The following DLGAP2 variants were observed in gnomAD, a reference collection of about 807,000 sequenced individuals.
The protein encoded by DLGAP2 is disks large-associated protein 2.
DLGAP2 carries 26 observed loss-of-function variants against 100.3 expected under a neutral mutation model. The observed-to-expected ratio is 0.26, with a 90% CI of 0.19 to 0.36. The LOEUF (loss-of-function observed/expected upper bound fraction) is 0.36. Ranked by LOEUF, DLGAP2 falls within the 10% of genes least tolerant of loss-of-function variation. DLGAP2 has a pLI of 1.00. For synonymous variants in DLGAP2, 886 were observed against 630.1 expected (o/e 1.41, Z -6.08); for missense variants, 1,858 against 1,453.2 (o/e 1.28, Z -4.53).
chr8:1,066,214 AC>A (rs1803244119), intron 2 of DLGAP2, among the ~76,000 whole-genome samples: 1 of 150,346 alleles, frequency 6.7e-6, no homozygotes, highest in Admixed American at 6.6e-5. Context: ...ACAGTTCTCC[AC>A]CATGGTCAGG....
chr8:1,689,075 T>C (rs1343770409), intron 12 of DLGAP2, among the ~76,000 whole-genome samples: 1 of 152,194 alleles, frequency 6.6e-6, no homozygotes, highest in Non-Finnish European at 1.5e-5. Flanking sequence ...TCTCTAGGAC[T>C]GACTGTTAAG....
At chr8:1,348,285 A>T (rs1408456485) in intron 3 of DLGAP2, among the ~76,000 whole-genome samples, 1 of 150,680 alleles carries the variant, frequency 6.6e-6, no homozygotes, top group African/African-American at 2.4e-5. Flanking sequence ...GTGGAGGTTG[A>T]GTTTCCACAT....
At chr8:1,357,878 C>G (rs1801892841) in intron 3 of DLGAP2, among the ~76,000 whole-genome samples, 1 of 152,150 alleles carries the variant, frequency 6.6e-6, no homozygotes, top group African/African-American at 2.4e-5. Context: ...AGCAGCTGCC[C>G]CTGCACCTGC....
intron 3 of DLGAP2, among the ~76,000 whole-genome samples, chr8:1,260,595 T>A (rs1279721034): frequency 6.6e-6 from 1 of 151,892 alleles, no homozygotes; most frequent in African/African-American, 2.4e-5. Flanking sequence ...GGCTCAGGGA[T>A]GGATATTGGA....
At chr8:988,773 C>T (rs1800562290) in intron 2 of DLGAP2, among the ~76,000 whole-genome samples, 1 of 152,150 alleles carries the variant, frequency 6.6e-6, no homozygotes, top group African/African-American at 2.4e-5. Context: ...GGCCTGTCCC[C>T]CGGGGACCTG....
intron 3 of DLGAP2, among the ~76,000 whole-genome samples, chr8:1,282,631 T>C (rs1279246863): frequency 2.5e-5 from 3 of 121,152 alleles, no homozygotes; most frequent in Admixed American, 8.8e-5. Flanking sequence ...AGACGTGGTG[T>C]GACCTGAACC....
chr8:1,151,558 G>A (rs7000565), intron 2 of DLGAP2, among the ~76,000 whole-genome samples: 11 of 152,228 alleles, frequency 7.2e-5, no homozygotes, highest in Middle Eastern at 3.4e-3. Context: ...TGACGATTCC[G>A]GTTGTTCTTT....
intron 2 of DLGAP2, among the ~76,000 whole-genome samples, chr8:1,105,901 G>A (rs1302097650): frequency 2.0e-5 from 3 of 150,924 alleles, no homozygotes; most frequent in South Asian, 2.1e-4. Context: ...GGCCATTCTA[G>A]GAGGGTTTTC....
intron 3 of DLGAP2, among the ~76,000 whole-genome samples, chr8:1,370,588 G>T (rs939779756): frequency 2.0e-5 from 3 of 152,164 alleles, no homozygotes; most frequent in Non-Finnish European, 2.9e-5. Context: ...AAGAAGAAAA[G>T]CTGTCTTTTA....
At chr8:1,257,519 G>T (rs1305917859) in intron 2 of DLGAP2, among the ~76,000 whole-genome samples, 3 of 57,774 alleles carry the variant, frequency 5.2e-5, no homozygotes, top group Non-Finnish European at 1.6e-4. Flanking sequence ...GGACGTCTGT[G>T]CTCGCTCCCC....
intron 3 of DLGAP2, chr8:1,296,904 T>C (rs964770744): frequency 2.6e-5 from 4 of 152,848 alleles, no homozygotes; most frequent in African/African-American, 9.7e-5. Context: ...CCTGAGTCTG[T>C]GTAGGCTGTG....
At chr8:1,031,112 G>A (rs567088033) in intron 2 of DLGAP2, among the ~76,000 whole-genome samples, 2 of 152,342 alleles carry the variant, frequency 1.3e-5, no homozygotes, top group African/African-American at 4.8e-5. Flanking sequence ...GCAGGTGCTG[G>A]TATTGCGTCT....
intron 3 of DLGAP2, among the ~76,000 whole-genome samples, chr8:1,409,256 C>G (rs1796661556): frequency 1.3e-5 from 2 of 151,214 alleles, no homozygotes; most frequent in South Asian, 4.2e-4. Flanking sequence ...AGCCCTGGCC[C>G]TGAGCACAGA....
chr8:1,605,089 C>T (rs1222132588), intron 6 of DLGAP2, among the ~76,000 whole-genome samples: 3 of 152,194 alleles, frequency 2.0e-5, no homozygotes, highest in African/African-American at 7.2e-5. Flanking sequence ...GCTCACCTGA[C>T]CTCATCGGCC....
chr8:798,112 A>T (rs896246006), intron 1 of DLGAP2, among the ~76,000 whole-genome samples: 1 of 152,186 alleles, frequency 6.6e-6, no homozygotes, highest in African/African-American at 2.4e-5. Flanking sequence ...TGTTTGCATC[A>T]GTTTCTTGTC....
intron 10 of DLGAP2, among the ~76,000 whole-genome samples, chr8:1,674,534 G>A (rs1386114286): frequency 6.6e-6 from 1 of 152,218 alleles, no homozygotes; most frequent in Admixed American, 6.5e-5. Flanking sequence ...AATAGAATAA[G>A]TGAGAGAGAC....
At chr8:1,287,610 GTT>G (rs1799965335) in intron 3 of DLGAP2, among the ~76,000 whole-genome samples, 1 of 39,008 alleles carries the variant, frequency 2.6e-5, no homozygotes, top group Admixed American at 3.0e-4. Flanking sequence ...ATGTGGTTCT[GTT>G]AGGGGAACTA....
chr8:1,695,185 A>G (rs1342025322), intron 13 of DLGAP2, among the ~76,000 whole-genome samples: 1 of 152,222 alleles, frequency 6.6e-6, no homozygotes, highest in African/African-American at 2.4e-5. Context: ...CTTCCCCCAC[A>G]CCATCAGGCA....
chr8:1,288,020 C>T (rs1332772123), intron 3 of DLGAP2, among the ~76,000 whole-genome samples: 1 of 75,838 alleles, frequency 1.3e-5, no homozygotes, highest in African/African-American at 6.7e-5. Flanking sequence ...GTTAGGGGGA[C>T]TAGTTTCGGT....
Sources: allele counts gnomAD v4.1 joint callset (sites outside exome capture counted in the v4.1 genomes callset), GRCh38; gene constraint gnomAD v4.1.1; transcripts MANE v1.5; gene names NCBI Gene and HGNC (gene_info 2026-07-23, HGNC 2026-07-21).